The following TBC1D14 variants were observed in gnomAD, a reference collection of about 807,000 sequenced individuals.
The protein encoded by TBC1D14 is TBC1 domain family, member 14.
In TBC1D14, 26 loss-of-function variants were observed where a neutral mutation model predicts 79.0. The observed-to-expected ratio is 0.33, with a 90% CI of 0.24 to 0.46. TBC1D14 has a LOEUF of 0.46. Ranked by LOEUF, TBC1D14 falls within the 20% of genes least tolerant of loss-of-function variation. The pLI is 1.00. For missense variants in TBC1D14, 769 were observed against 887.6 expected (o/e 0.87, Z 1.70); for synonymous variants, 394 against 349.9 (o/e 1.13, Z -1.40).
At chr4:6,994,106 A>G in intron 3 of TBC1D14, 78 bp from the exon 4 acceptor site, 2 of 1,292,810 alleles carry the variant, frequency 1.5e-6, no homozygotes, top group Non-Finnish European at 2.2e-6. Context: ...GTTTCATGAC[A>G]AAACAACTTT....
chr4:6,988,640 C>G (rs1373655563), intron 3 of TBC1D14, among the ~76,000 whole-genome samples: 12 of 152,228 alleles, frequency 7.9e-5, no homozygotes, highest in Admixed American at 7.9e-4. Flanking sequence ...ACTGGTGAAT[C>G]TTGATACTGC....
rs1249085204 is a variant in TBC1D14, at chr4:6,947,214, T to G, written c.723-20090T>G. 2.0e-5 allele frequency among the ~76,000 whole-genome samples: 3 copies of G among 151,604 alleles called. 1 individual carries two copies. Among genetic ancestry groups the G allele is most frequent in the South Asian group, 4.2e-4 (2 of 4,790 alleles). On this transcript the variant is annotated intron_variant, in intron 2 of 13. Coordinates refer to ENST00000409757, the MANE Select transcript of TBC1D14 (RefSeq NM_020773.3). ...CTGTCGCTACTAAAAATAAAAAAAT[T>G]AGGGCAGGCGCGGTGGCTCAAGCCT...
intron 1 of TBC1D14, among the ~76,000 whole-genome samples, chr4:6,922,742 A>G (rs1282527946): frequency 6.6e-6 from 1 of 152,138 alleles, no homozygotes. Context: ...CCCCCAAAAG[A>G]AAAAACCCAA....
At chr4:6,942,176 A>G (rs1204757049) in intron 2 of TBC1D14, among the ~76,000 whole-genome samples, 1 of 152,226 alleles carries the variant, frequency 6.6e-6, no homozygotes, top group Non-Finnish European at 1.5e-5. Context: ...CCTATCTTAA[A>G]TAGGAGATTA....
chr4:6,915,609 TCA>T (rs1303996264), intron 1 of TBC1D14, among the ~76,000 whole-genome samples: 5 of 152,126 alleles, frequency 3.3e-5, no homozygotes, highest in Admixed American at 1.3e-4. Flanking sequence ...ACTACCTGGC[TCA>T]CAGGGCTGCT....
chr4:6,974,833 A>G (rs1716568547), intron 3 of TBC1D14, among the ~76,000 whole-genome samples: 1 of 152,098 alleles, frequency 6.6e-6, no homozygotes. Context: ...TAAAAAAAAA[A>G]AATTTCCTCT....
intron 12 of TBC1D14, among the ~76,000 whole-genome samples, chr4:7,018,113 G>A (rs771748846): frequency 3.3e-5 from 5 of 152,266 alleles, no homozygotes; most frequent in Non-Finnish European, 7.4e-5. Flanking sequence ...GTTTGCCTTC[G>A]GGGTCTTTGC....
In TBC1D14 at chr4:7,030,500, G is replaced by A. The variant is rs1722950209; in HGVS notation, c.*108G>A. The A allele has an allele frequency of 2.6e-6, 3 of 1,135,672 alleles. No homozygotes were observed. In the Admixed American group the frequency reaches 6.1e-5, roughly 23 times the overall value. The allele number at this position is 1,135,672 out of a possible 1,614,324, so 70.3% of individuals were successfully genotyped here. On this transcript the variant is annotated 3_prime_UTR_variant, in exon 14 of 14. Transcript: ENST00000409757. Reference sequence around the variant, plus strand: ...GCCGAGAAGAACAGACGCTCTTTAAGTTTGATTCCTAACACTGGAGTTGGC... The same window carrying A: ...GCCGAGAAGAACAGACGCTCTTTAAATTTGATTCCTAACACTGGAGTTGGC...
At chr4:6,955,685 T>A (rs1714566708) in intron 2 of TBC1D14, among the ~76,000 whole-genome samples, 1 of 152,116 alleles carries the variant, frequency 6.6e-6, no homozygotes, top group Admixed American at 6.5e-5. Context: ...CAAACAGGCG[T>A]TGAAGTGTAT....
chr4:6,982,557 A>T (rs1397082505), intron 3 of TBC1D14, among the ~76,000 whole-genome samples: 1 of 152,250 alleles, frequency 6.6e-6, no homozygotes, highest in East Asian at 1.9e-4. Flanking sequence ...ATAGGACTAT[A>T]TACACTAAAA....
At chr4:6,916,486 A>G (rs1038556751) in intron 1 of TBC1D14, among the ~76,000 whole-genome samples, 2 of 152,174 alleles carry the variant, frequency 1.3e-5, no homozygotes, top group African/African-American at 4.8e-5. Flanking sequence ...TTTGGTTAAG[A>G]CAGTTCCCAC....
At chr4:6,953,548 G>C (rs1439070208) in intron 2 of TBC1D14, among the ~76,000 whole-genome samples, 1 of 131,812 alleles carries the variant, frequency 7.6e-6, no homozygotes, top group Non-Finnish European at 1.6e-5. Flanking sequence ...GGAGAATGGC[G>C]TGAACCCCAG....
intron 2 of TBC1D14, among the ~76,000 whole-genome samples, chr4:6,937,177 A>G (rs1312475531): frequency 2.0e-5 from 3 of 152,232 alleles, no homozygotes; most frequent in Non-Finnish European, 4.4e-5. Context: ...ACAACCTCCC[A>G]AAGTGTTGGG....
chr4:6,983,987 C>G (rs141650021), intron 3 of TBC1D14, among the ~76,000 whole-genome samples: 1 of 152,250 alleles, frequency 6.6e-6, no homozygotes, highest in East Asian at 1.9e-4. Context: ...ATCTTGTGTT[C>G]AGTCTTACTG....
chr4:7,003,145 G>A (rs1000772384), intron 7 of TBC1D14, among the ~76,000 whole-genome samples: 1 of 152,180 alleles, frequency 6.6e-6, no homozygotes, highest in African/African-American at 2.4e-5. Context: ...TGGAGCAGGG[G>A]GTTTGGGCAG....
At chr4:6,963,881 C>T (rs1381728086) in intron 2 of TBC1D14, among the ~76,000 whole-genome samples, 3 of 151,974 alleles carry the variant, frequency 2.0e-5, no homozygotes, top group African/African-American at 7.3e-5. Context: ...ACTGCAACCT[C>T]CGTCTCCCAG....
At chr4:6,994,976 ACT>A (rs1393399130) in intron 4 of TBC1D14, among the ~76,000 whole-genome samples, 1 of 151,998 alleles carries the variant, frequency 6.6e-6, no homozygotes, top group African/African-American at 2.4e-5. Flanking sequence ...TCAGGAAAAG[ACT>A]CTGGCCTTTG....
chr4:6,912,791 A>G (rs1436648548), intron 1 of TBC1D14, among the ~76,000 whole-genome samples: 1 of 152,176 alleles, frequency 6.6e-6, no homozygotes, highest in African/African-American at 2.4e-5. Context: ...TAATCTTGTC[A>G]ACTGCCTAAC....
intron 2 of TBC1D14, among the ~76,000 whole-genome samples, chr4:6,944,028 C>CA (rs1553856490): frequency 6.6e-6 from 1 of 151,878 alleles, no homozygotes; most frequent in Non-Finnish European, 1.5e-5. Context: ...CGCGTTCTGC[C>CA]GGGGGTTTGG....
Sources: gnomAD v4.1 joint callset for allele counts (sites outside exome capture counted in the v4.1 genomes callset) on GRCh38, gnomAD v4.1.1 for gene constraint, MANE v1.5 for transcripts, NCBI Gene and HGNC (gene_info 2026-07-23, HGNC 2026-07-21) for gene names.